Variants in ZNF284 observed in about 807,000 individuals in gnomAD.
ZNF284 encodes zinc finger protein 284.
ZNF284 carries 12 observed loss-of-function variants against 12.9 expected under a neutral mutation model. The observed-to-expected ratio is 0.93, with a 90% CI of 0.60 to 1.51. The LOEUF (loss-of-function observed/expected upper bound fraction) is 1.51. Ranked by LOEUF, ZNF284 falls within the 40% of genes most tolerant of loss-of-function variation. ZNF284 has a pLI of 0.00. For missense variants in ZNF284, 667 were observed against 707.3 expected (o/e 0.94, Z 0.65); for synonymous variants, 225 against 236.5 (o/e 0.95, Z 0.45).
chr19:44,085,447 A>T (rs771048808), intron 4 of ZNF284: 5 of 322,752 alleles, frequency 1.5e-5, no homozygotes, highest in African/African-American at 4.3e-5. Flanking sequence ...GCAAGATTTT[A>T]GACTAACTAG....
intron 4 of ZNF284, among the ~76,000 whole-genome samples, chr19:44,083,450 A>AATAT (rs1290254473): frequency 0.012 from 738 of 60,330 alleles, 74 homozygotes; most frequent in Middle Eastern, 0.016. Context: ...TAAATAAAGA[A>AATAT]ATATATATAT....
Position 44,085,990 on chromosome 19 carries a change from G to A in ZNF284, c.512G>A (p.Gly171Glu), listed in dbSNP as rs575810215. The change falls in exon 5 of 5, where the codon GGA becomes GAA. Residue 171 changes from glycine to glutamate, a missense_variant. Gly to Glu is a moderately conservative substitution (Grantham distance 98). Coordinates refer to ENST00000421176, the MANE Select transcript of ZNF284 (RefSeq NM_001037813.4). ...ILDLHQQLHS[G>E]KISHTCNEYR... is the part of the protein sequence containing the mutation. The stretch of plus-strand genomic sequence containing the variant: ...GATCTTCATCAACAATTACACTCAG[G>A]AAAGATATCCCATACATGTAATGAG... The A allele has an allele frequency of 1.2e-6, 2 of 1,614,102 alleles. No homozygotes were observed. The highest frequency in any genetic ancestry group is 2.7e-5 in the African/African-American group (2 of 75,042).
In ZNF284 at chr19:44,086,646, C is replaced by A; in HGVS notation, c.1168C>A (p.Gln390Lys). The change falls in exon 5 of 5, where the codon CAG becomes AAG. Residue 390 changes from glutamine to lysine, a missense_variant. Coordinates refer to ENST00000421176, the MANE Select transcript of ZNF284 (RefSeq NM_001037813.4). ...FRWSSCLSRH[Q>K]RVHNGETTFK... ...GTGGTCCTCATGTCTTTCAAGACAT[C>A]AGCGGGTCCACAATGGAGAAACAAC... 6.2e-7 allele frequency: 1 copy of A among 1,613,982 alleles called. No homozygotes were observed. The highest frequency in any genetic ancestry group is 1.1e-5 in the South Asian group (1 of 91,066).
chr19:44,085,721 G>C lies in ZNF284; in HGVS notation c.243G>C (p.Lys81Asn). ...ATQREGNSGG[K>N]IQTELESVPE... ...AATTCTGTGTCCTTATAGGAGGCAA[G>C]ATCCAAACTGAGTTGGAGTCTGTTC... The change falls in exon 5 of 5, where the codon AAG becomes AAC. Residue 81 changes from lysine to asparagine, a missense_variant. Physicochemically the swap from Lys to Asn is moderately conservative, Grantham distance 94. Transcript: ENST00000421176. The C allele has an allele frequency of 6.2e-7, 1 of 1,610,444 alleles. No individual in the cohort carries two copies. The highest frequency in any genetic ancestry group is 8.5e-7 in the Non-Finnish European group (1 of 1,178,064).
chr19:44,076,736 A>C (rs1262475323), intron 2 of ZNF284, among the ~76,000 whole-genome samples: 2 of 151,338 alleles, frequency 1.3e-5, no homozygotes, highest in Admixed American at 6.6e-5. Flanking sequence ...TACTTATCTA[A>C]TTTAAATTGT....
rs1388309294 is a variant in ZNF284 at position 44,086,785 on chromosome 19, A to G, written c.1307A>G (p.Tyr436Cys). 6.2e-6 allele frequency: 10 copies of G among 1,614,166 alleles called. No individual in the cohort carries two copies. The highest frequency in any genetic ancestry group is 2.2e-5 in the East Asian group (1 of 44,882). ...LYKCQKCGKG[Y>C]ISKFNLDLHQ... Reference sequence around the variant, plus strand: ...AAATGTCAGAAGTGTGGGAAGGGCTACATTAGTAAGTTTAATCTTGACTTG... The same window carrying G: ...AAATGTCAGAAGTGTGGGAAGGGCTGCATTAGTAAGTTTAATCTTGACTTG... Residue 436 changes from tyrosine to cysteine, a missense_variant, in exon 5 of 5, where the codon TAC becomes TGC. Tyr to Cys is a radical substitution (Grantham distance 194). Transcript: ENST00000421176.
chr19:44,086,163 A>C lies in ZNF284; in HGVS notation c.685A>C (p.Lys229Gln). Residue 229 changes from lysine to glutamine, a missense_variant, in exon 5 of 5, where the codon AAA becomes CAA. By Grantham distance (53) the Lys-to-Gln change is moderately conservative. Coordinates refer to ENST00000421176, the MANE Select transcript of ZNF284 (RefSeq NM_001037813.4). The part of the protein sequence containing the change: ...QTHQRIHTGE[K>Q]PFKCEQCGKS... Reference sequence around the variant, plus strand: ...TCATCAGAGAATCCACACTGGAGAGAAACCATTCAAATGTGAGCAGTGTGG... The same window carrying C: ...TCATCAGAGAATCCACACTGGAGAGCAACCATTCAAATGTGAGCAGTGTGG... 6.2e-7 allele frequency: 1 copy of C among 1,614,242 alleles called. No homozygotes were observed. The highest frequency in any genetic ancestry group is 8.5e-7 in the Non-Finnish European group (1 of 1,180,042).
Position 44,084,344 on chromosome 19 carries a change from C to T in ZNF284, c.236-1370C>T, listed in dbSNP as rs182044200. Among the ~76,000 whole-genome samples the T allele has an allele frequency of 3.9e-4, 60 of 152,262 alleles. No individual in the cohort carries two copies. The East Asian group carries it at 8.3e-3, about 21-fold the overall frequency. On this transcript the variant is annotated intron_variant, in intron 4 of 4. Coordinates refer to ENST00000421176, the MANE Select transcript of ZNF284 (RefSeq NM_001037813.4). ...TGTCATGCTCTGGCACTGAGATGGG[C>T]GGTACCAAGTGAAGTGGGCTTGTCC...
chr19:44,072,709 T>G (rs1966964671), intron 1 of ZNF284, among the ~76,000 whole-genome samples: 1 of 152,224 alleles, frequency 6.6e-6, no homozygotes, highest in Non-Finnish European at 1.5e-5. Context: ...GAGCTCCATC[T>G]GCAGGGATCC....
intron 3 of ZNF284, among the ~76,000 whole-genome samples, chr19:44,081,485 G>A (rs1255198970): frequency 6.6e-6 from 1 of 152,128 alleles, no homozygotes; most frequent in Non-Finnish European, 1.5e-5. Context: ...GCCAAGGAGG[G>A]CAGATCACGA....
intron 4 of ZNF284, 62 bp downstream of exon 4, chr19:44,082,167 A>C (rs1333673622): frequency 7.4e-7 from 1 of 1,357,374 alleles, no homozygotes; most frequent in Non-Finnish European, 1.0e-6. Flanking sequence ...ACTTCTGTCC[A>C]TTGCCCAACT....
chr19:44,079,869 C>T (rs35026751), intron 2 of ZNF284, among the ~76,000 whole-genome samples: 3,745 of 151,712 alleles, frequency 0.025, 115 homozygotes, highest in African/African-American at 0.077. Flanking sequence ...TGGAGGTTGC[C>T]GTGAGCTGAG....
At chr19:44,077,745 G>C (rs116890647) in intron 2 of ZNF284, among the ~76,000 whole-genome samples, 1 of 151,874 alleles carries the variant, frequency 6.6e-6, no homozygotes, top group South Asian at 2.1e-4. Context: ...ACCTAGGGTC[G>C]GCATGTTAGC....
In ZNF284 at chr19:44,088,538, A is replaced by T. The variant is rs1967299836; in HGVS notation, c.*1278A>T. 1 of 152,156 alleles carries T rather than the reference A, an allele frequency of 6.6e-6. No individual in the cohort carries two copies. Among genetic ancestry groups the T allele is most frequent in the Non-Finnish European group, 1.5e-5 (1 of 68,034 alleles). The allele number at this position is 152,156 out of a possible 1,614,324, so 9.4% of individuals were successfully genotyped here. On this transcript the variant is annotated 3_prime_UTR_variant, in exon 5 of 5. Transcript: ENST00000421176. Reference sequence around the variant, plus strand: ...CACTGATTTCCTTTCCTTTGGATATACAGCTAGTAGTGGGATTGCTGGATC... The same window carrying T: ...CACTGATTTCCTTTCCTTTGGATATTCAGCTAGTAGTGGGATTGCTGGATC...
At position 44,086,234 on chromosome 19, in the gene ZNF284, A is replaced by T. The variant is rs1967242392; in HGVS notation, c.756A>T (p.Leu252Phe). The T allele has an allele frequency of 6.2e-7, 1 of 1,614,214 alleles. No individual in the cohort carries two copies. Among genetic ancestry groups the T allele is most frequent in the Non-Finnish European group, 8.5e-7 (1 of 1,180,036 alleles). Residue 252 changes from leucine to phenylalanine, a missense_variant, in exon 5 of 5, where the codon TTA becomes TTT. Transcript: ENST00000421176. The part of the protein sequence containing the change: ...RRSGMYVHCK[L>F]HTGEKPHICE... ...CAGGAATGTATGTTCATTGCAAATT[A>T]CACACAGGAGAAAAACCTCATATTT...
At chr19:44,079,138 A>T (rs186725219) in intron 2 of ZNF284, among the ~76,000 whole-genome samples, 55 of 152,220 alleles carry the variant, frequency 3.6e-4, no homozygotes, top group Admixed American at 1.6e-3. Context: ...CACATACATG[A>T]TTTTCTTTGC....
At position 44,088,109 on chromosome 19, in the gene ZNF284, C is replaced by T. The variant is rs1967294005; in HGVS notation, c.*849C>T. On this transcript the variant is annotated 3_prime_UTR_variant, in exon 5 of 5. Coordinates refer to ENST00000421176, the MANE Select transcript of ZNF284 (RefSeq NM_001037813.4). Reference sequence around the variant, plus strand: ...TGTATTTTTAGTGAAGATGGGGTTTCACCACATTGGCCAGGCTAGCCTTGA... The same window carrying T: ...TGTATTTTTAGTGAAGATGGGGTTTTACCACATTGGCCAGGCTAGCCTTGA... The T allele has an allele frequency of 2.6e-5, 4 of 151,988 alleles. No homozygotes were observed. The allele number at this position is 151,988 out of a possible 1,614,324, so 9.4% of individuals were successfully genotyped here. A position where few individuals can be genotyped will look rare whatever the true frequency, so the allele number is the denominator to read the frequency against.
chr19:44,081,407 C>T lies in ZNF284; in HGVS notation c.142+266C>T, dbSNP rs551641794. Among the ~76,000 whole-genome samples, 3 of 152,174 alleles carry T rather than the reference C, an allele frequency of 2.0e-5. No homozygotes were observed. The South Asian group carries it at 6.2e-4, about 32-fold the overall frequency. ...GAAGTGCCGAGCAAAGGGGAAAAGG[C>T]CCCTTATAAAACCATCAGATAGGGC... On this transcript the variant is annotated intron_variant, in intron 3 of 4. Coordinates refer to ENST00000421176, the MANE Select transcript of ZNF284 (RefSeq NM_001037813.4).
rs1410314888 is a variant in ZNF284, at chr19:44,087,386, C to A, written c.*126C>A. The A allele has an allele frequency of 4.0e-5, 33 of 827,598 alleles. No individual in the cohort carries two copies. Among genetic ancestry groups the A allele is most frequent in the African/African-American group, 5.2e-5 (3 of 58,252 alleles). 51.3% of individuals were successfully genotyped at this position (827,598 alleles called of 1,614,324 possible). A position where few individuals can be genotyped will look rare whatever the true frequency, so the allele number is the denominator to read the frequency against. ...TTTATTTGTGGATCATTTATCATTT[C>A]TTTGTGCTTTGAACGTTCAAAAACT... On this transcript the variant is annotated 3_prime_UTR_variant, in exon 5 of 5. Coordinates refer to ENST00000421176, the MANE Select transcript of ZNF284 (RefSeq NM_001037813.4).
Sources: allele counts gnomAD v4.1 joint callset (sites outside exome capture counted in the v4.1 genomes callset), GRCh38; gene constraint gnomAD v4.1.1; transcripts MANE v1.5; gene names NCBI Gene and HGNC (gene_info 2026-07-23, HGNC 2026-07-21).